PLIN2: variants seen among roughly 807,000 people sequenced by gnomAD.
PLIN2 encodes the protein perilipin-2.
A neutral mutation model predicts 30.6 loss-of-function variants in PLIN2; 33 were observed. That is an observed-to-expected ratio of 1.08 (90% CI 0.82 to 1.44). The LOEUF (loss-of-function observed/expected upper bound fraction) is 1.44. PLIN2 is among the 40% of genes most tolerant of loss of function. The probability of loss-of-function intolerance (pLI) is 0.00; values close to 1 mark genes in which losing one functional copy is unlikely to be tolerated. For synonymous variants in PLIN2, 205 were observed against 201.1 expected (o/e 1.02, Z -0.16); for missense variants, 610 against 531.8 (o/e 1.15, Z -1.45).
At chr9:19,126,767 C>A (rs574856365) in intron 1 of PLIN2, among the ~76,000 whole-genome samples, 1 of 152,198 alleles carries the variant, frequency 6.6e-6, no homozygotes, top group African/African-American at 2.4e-5. Flanking sequence ...CCAAGCCGGA[C>A]GCGGTGGCTC....
chr9:19,108,978 CT>C (rs927765645), intron 2 of PLIN2, among the ~76,000 whole-genome samples: 11 of 152,100 alleles, frequency 7.2e-5, no homozygotes, highest in African/African-American at 2.4e-4. Context: ...GTCAATGAAG[CT>C]TTTTTAAAAA....
intron 7 of PLIN2, among the ~76,000 whole-genome samples, chr9:19,117,461 GATGCTA>G (rs1202398037): frequency 1.3e-5 from 2 of 151,500 alleles, no homozygotes; most frequent in African/African-American, 4.9e-5. Context: ...ACCCAGCCAA[GATGCTA>G]TGCCTTCCCT....
At chr9:19,112,925 AC>A (rs1266654104), downstream of PLIN2, among the ~76,000 whole-genome samples, 1 of 149,842 alleles carries the variant, frequency 6.7e-6, no homozygotes, top group Non-Finnish European at 1.5e-5. Context: ...GAGCTTTGAG[AC>A]CTCTCTCCTT....
intron 6 of PLIN2, among the ~76,000 whole-genome samples, 165 bp from the exon 7 acceptor site, chr9:19,118,620 T>C (rs1435474098): frequency 1.3e-5 from 2 of 152,216 alleles, no homozygotes; most frequent in African/African-American, 4.8e-5. Context: ...TATGTGTAAA[T>C]TAACCAAGCA....
chr9:19,109,085 C>T (rs565015979), intron 2 of PLIN2, among the ~76,000 whole-genome samples: 1 of 152,216 alleles, frequency 6.6e-6, no homozygotes, highest in East Asian at 1.9e-4. Context: ...AGTGTCTAGG[C>T]AAATGTTTAG....
intron 2 of PLIN2, among the ~76,000 whole-genome samples, chr9:19,109,813 G>A (rs1480756527): frequency 3.3e-5 from 5 of 151,578 alleles, no homozygotes; most frequent in South Asian, 2.1e-4. Flanking sequence ...AAAATTAGCC[G>A]GGTATAGTGG....
chr9:19,115,430 C>T (rs1588641407), downstream of PLIN2, among the ~76,000 whole-genome samples: 1 of 151,932 alleles, frequency 6.6e-6, no homozygotes, highest in African/African-American at 2.4e-5. Context: ...GCCTCAGCCT[C>T]CCGAGTAGCT....
At chr9:19,109,999 G>A (rs1466676210) in intron 2 of PLIN2, among the ~76,000 whole-genome samples, 1 of 151,916 alleles carries the variant, frequency 6.6e-6, no homozygotes, top group Non-Finnish European at 1.5e-5. Context: ...AGGAAAGAGG[G>A]AAATTGGGGA....
In PLIN2 at chr9:19,110,274, C is replaced by T. The variant is rs536485024; in HGVS notation, n.418-1527G>A. ...AACTCCTGACCTCAAGTGGTCCAAC[C>T]TCCTTGGCTTCCCAAAATGTTGGGA... On this transcript the variant is annotated intron_variant and non_coding_transcript_variant, in intron 2 of 2. Coordinates refer to the PLIN2 transcript ENST00000464326. Among the ~76,000 whole-genome samples, 4 of 152,046 alleles carry T rather than the reference C, an allele frequency of 2.6e-5. No individual in the cohort carries two copies. In the East Asian group the frequency reaches 7.8e-4, roughly 30 times the overall value.
chr9:19,111,985 G>C (rs1818166080), downstream of PLIN2, among the ~76,000 whole-genome samples: 1 of 152,044 alleles, frequency 6.6e-6, no homozygotes, highest in Non-Finnish European at 1.5e-5. Flanking sequence ...CTCACACCTT[G>C]AACTGCCAAG....
rs1299291271 is a variant in PLIN2 at position 19,126,357 on chromosome 9, A to G, written c.30+40T>C. The G allele has an allele frequency of 5.0e-6, 8 of 1,613,408 alleles. No individual in the cohort carries two copies. In the East Asian group the frequency reaches 6.7e-5, roughly 13 times the overall value. On this transcript the variant is annotated intron_variant, in intron 2 of 7. Transcript: ENST00000276914. ...ATGCTTATTAATCTCTCAAAACACAAAAGGAGAGAAAGTAGACAAAGGCTA... is the reference window on the plus strand; with the variant it reads ...ATGCTTATTAATCTCTCAAAACACAGAAGGAGAGAAAGTAGACAAAGGCTA...
intron 7 of PLIN2, 50 bp downstream of exon 7, chr9:19,118,271 T>C (rs1564029861): frequency 6.6e-7 from 1 of 1,521,784 alleles, no homozygotes; most frequent in African/African-American, 1.4e-5. Context: ...ATGAAAAGTC[T>C]GATAAGAACT....
At chr9:19,118,552 A>G in intron 6 of PLIN2, 97 bp from the exon 7 acceptor site, 1 of 1,094,828 alleles carries the variant, frequency 9.1e-7, no homozygotes, top group East Asian at 2.5e-5. Flanking sequence ...CATAAAAACT[A>G]AGAATTTCCT....
At chr9:19,115,286 T>C (rs914633985), downstream of PLIN2, among the ~76,000 whole-genome samples, 1 of 152,064 alleles carries the variant, frequency 6.6e-6, no homozygotes, top group Non-Finnish European at 1.5e-5. Flanking sequence ...TTTTAATTTG[T>C]TATCAAGCAT....
chr9:19,126,536 A>T lies in PLIN2; in HGVS notation c.-22-88T>A, dbSNP rs1412067369. 1.6e-5 allele frequency: 13 copies of T among 836,338 alleles called. No individual in the cohort carries two copies. The East Asian group carries it at 2.9e-4, about 19-fold the overall frequency. 51.8% of individuals were successfully genotyped at this position (836,338 alleles called of 1,614,324 possible). A position where few individuals can be genotyped will look rare whatever the true frequency, so the allele number is the denominator to read the frequency against. On this transcript the variant is annotated intron_variant, in intron 1 of 7. Coordinates refer to ENST00000276914, the MANE Select transcript of PLIN2 (RefSeq NM_001122.4). Reference sequence around the variant, plus strand: ...CCAAGCAAATGCTGATTACAAGTAGAGAAAAATGCAGGGTGAGCTCCCTGT... The same window carrying T: ...CCAAGCAAATGCTGATTACAAGTAGTGAAAAATGCAGGGTGAGCTCCCTGT...
intron 7 of PLIN2, among the ~76,000 whole-genome samples, chr9:19,117,764 C>T (rs139658175): frequency 5.9e-5 from 9 of 152,056 alleles, no homozygotes; most frequent in East Asian, 5.8e-4. Flanking sequence ...ACTACAGGCA[C>T]GTGCCACCAT....
intron 3 of PLIN2, chr9:19,125,906 G>C (rs1818388229): frequency 2.1e-6 from 1 of 484,434 alleles, no homozygotes; most frequent in East Asian, 3.3e-5. Context: ...CTGAGTGATA[G>C]AGTGAGACTC....
At chr9:19,115,556 C>T (rs1467503653), downstream of PLIN2, among the ~76,000 whole-genome samples, 2 of 152,138 alleles carry the variant, frequency 1.3e-5, no homozygotes, top group Admixed American at 1.3e-4. Context: ...ATCCGCCCAC[C>T]TCAGCCTCCC....
chr9:19,126,087 C>A (rs1162726798), intron 3 of PLIN2, 27 bp downstream of exon 3: 19 of 1,604,348 alleles, frequency 1.2e-5, no homozygotes, highest in Non-Finnish European at 1.6e-5. Flanking sequence ...AGTCCCTTGA[C>A]TTGCATCTTG....
Sources: gnomAD v4.1 joint callset for allele counts (sites outside exome capture counted in the v4.1 genomes callset) on GRCh38, gnomAD v4.1.1 for gene constraint, MANE v1.5 for transcripts, NCBI Gene and HGNC (gene_info 2026-07-23, HGNC 2026-07-21) for gene names.